Variants in PHTF2 observed in about 807,000 individuals in gnomAD.
PHTF2 encodes the protein putative homeodomain transcription factor 2.
A neutral mutation model predicts 101.2 loss-of-function variants in PHTF2; 60 were observed. The observed-to-expected ratio is 0.59, with a 90% CI of 0.48 to 0.73. PHTF2 has a LOEUF of 0.73. Among genes scored for constraint, PHTF2 ranks in the 30% least tolerant of loss-of-function variants. The pLI, the probability that PHTF2 is intolerant of heterozygous loss-of-function variation, is 0.00. For synonymous variants in PHTF2, 311 were observed against 307.3 expected (o/e 1.01, Z -0.13); for missense variants, 747 against 908.7 (o/e 0.82, Z 2.29).
intron 9 of PHTF2, 27 bp from the exon 9 acceptor site, chr7:77,920,252 C>T (rs202151098): frequency 8.2e-5 from 107 of 1,298,384 alleles, no homozygotes; most frequent in African/African-American, 4.4e-5. Flanking sequence ...TAAGTCCAAA[C>T]ATTCTTCTGC....
chr7:77,929,306 TAG>T lies in PHTF2; in HGVS notation c.1321_1322del (p.Asp441Ter), dbSNP rs1206204676. 6.3e-7 allele frequency: 1 copy of T among 1,598,040 alleles called. No individual in the cohort carries two copies. The highest frequency in any genetic ancestry group is 8.6e-7 in the Non-Finnish European group (1 of 1,165,784). Reference sequence around the variant, plus strand: ...TTAATCCATGTGTGAAAAAAGAATATAGAGATGACCCTTTTCATCAGGTTGGT... The same window carrying T: ...TTAATCCATGTGTGAAAAAAGAATATAGATGACCCTTTTCATCAGGTTGGT... On this transcript the variant is annotated frameshift_variant, in exon 12 of 20. Transcript: ENST00000416283. LOFTEE classifies it high-confidence loss of function.
intron 1 of PHTF2, among the ~76,000 whole-genome samples, chr7:77,803,034 A>T (rs1053327133): frequency 2.6e-5 from 4 of 152,236 alleles, no homozygotes; most frequent in African/African-American, 7.2e-5. Flanking sequence ...TATTCTCATG[A>T]AAATTGCTAA....
chr7:77,865,400 ATTTT>A (rs1199959078), intron 3 of PHTF2, among the ~76,000 whole-genome samples: 2 of 151,856 alleles, frequency 1.3e-5, no homozygotes, highest in East Asian at 3.9e-4. Context: ...TAATTTTTGT[ATTTT>A]TAGTAGAGAC....
exon 18 of PHTF2, chr7:77,951,648 C>A: frequency 6.8e-7 from 1 of 1,466,646 alleles, no homozygotes; most frequent in Non-Finnish European, 9.2e-7. Flanking sequence ...GAGAAAAAAC[C>A]TAACAAAAAG....
chr7:77,823,968 C>G (rs1353149388), intron 1 of PHTF2, among the ~76,000 whole-genome samples: 1 of 152,120 alleles, frequency 6.6e-6, no homozygotes, highest in Non-Finnish European at 1.5e-5. Flanking sequence ...GAAAGTAAAG[C>G]AACAATAATA....
chr7:77,861,266 T>G (rs1433040133), intron 3 of PHTF2, among the ~76,000 whole-genome samples: 2 of 152,054 alleles, frequency 1.3e-5, no homozygotes, highest in African/African-American at 4.8e-5. Context: ...AAGAGGGGTG[T>G]TTTAGGAAGG....
intron 3 of PHTF2, among the ~76,000 whole-genome samples, chr7:77,866,271 GT>G: frequency 6.6e-6 from 1 of 151,904 alleles, no homozygotes; most frequent in Non-Finnish European, 1.5e-5. Context: ...ATGTTAATAA[GT>G]ATTAGGAGAA....
intron 4 of PHTF2, 80 bp from the exon 4 acceptor site, chr7:77,893,902 G>C: frequency 3.9e-6 from 4 of 1,038,438 alleles, no homozygotes; most frequent in Non-Finnish European, 5.9e-6. Flanking sequence ...TTTTTTGTCA[G>C]CTTTTTTCCC....
intron 3 of PHTF2, among the ~76,000 whole-genome samples, chr7:77,874,224 C>T (rs1390560651): frequency 2.0e-5 from 3 of 152,134 alleles, no homozygotes; most frequent in Admixed American, 2.0e-4. Flanking sequence ...GTTCTCCATA[C>T]TATTAGAAAT....
chr7:77,874,387 C>T (rs1798762912), intron 3 of PHTF2, among the ~76,000 whole-genome samples: 1 of 152,090 alleles, frequency 6.6e-6, no homozygotes, highest in South Asian at 2.1e-4. Flanking sequence ...AGGGACAGAA[C>T]TAATGGAATA....
At chr7:77,814,438 T>TAAA (rs1793685669) in intron 1 of PHTF2, among the ~76,000 whole-genome samples, 1 of 152,136 alleles carries the variant, frequency 6.6e-6, no homozygotes, top group Non-Finnish European at 1.5e-5. Flanking sequence ...ACACAGTATT[T>TAAA]TCTCTGTAAG....
chr7:77,900,810 AG>A lies in PHTF2; in HGVS notation c.286+31del, dbSNP rs764053846. 5.6e-6 allele frequency: 6 copies of A among 1,064,278 alleles called. No homozygotes were observed. The South Asian group carries it at 7.6e-5, about 13-fold the overall frequency. The allele number at this position is 1,064,278 out of a possible 1,614,324, so 65.9% of individuals were successfully genotyped here. On this transcript the variant is annotated intron_variant, in intron 6 of 19. Transcript: ENST00000416283. ...GTCTGATAAATAAATGCTTAATACAAGTAGACATTGTTCTGGAAGAAACAGA... is the reference window on the plus strand; with the variant it reads ...GTCTGATAAATAAATGCTTAATACAATAGACATTGTTCTGGAAGAAACAGA...
chr7:77,813,620 T>C (rs1646598476), intron 1 of PHTF2, among the ~76,000 whole-genome samples: 1 of 152,240 alleles, frequency 6.6e-6, no homozygotes, highest in African/African-American at 2.4e-5. Context: ...CTTCTGTGTG[T>C]TATATTGCTG....
chr7:77,799,189 G>A (rs1052854081), intron 1 of PHTF2, among the ~76,000 whole-genome samples: 4 of 152,192 alleles, frequency 2.6e-5, no homozygotes, highest in African/African-American at 9.6e-5. Context: ...TCATCAGTCG[G>A]CCGGTGGCGG....
chr7:77,899,145 C>T (rs756604816), intron 5 of PHTF2, among the ~76,000 whole-genome samples: 2 of 152,150 alleles, frequency 1.3e-5, no homozygotes, highest in African/African-American at 2.4e-5. Flanking sequence ...AGACACATCA[C>T]AGCATTCTTG....
intron 3 of PHTF2, among the ~76,000 whole-genome samples, chr7:77,888,104 C>G (rs1800030837): frequency 6.6e-6 from 1 of 151,990 alleles, no homozygotes; most frequent in Non-Finnish European, 1.5e-5. Flanking sequence ...AGTATATATC[C>G]TTTCAAAATG....
intron 7 of PHTF2, among the ~76,000 whole-genome samples, chr7:77,908,451 G>T (rs562500144): frequency 1.0e-3 from 159 of 152,216 alleles, no homozygotes; most frequent in Middle Eastern, 3.4e-3. Flanking sequence ...GTAAAACAAA[G>T]AAATAATGTA....
At chr7:77,933,131 A>C (rs1804761769) in intron 12 of PHTF2, among the ~76,000 whole-genome samples, 2 of 152,212 alleles carry the variant, frequency 1.3e-5, no homozygotes, top group African/African-American at 4.8e-5. Flanking sequence ...CCAGTTACTC[A>C]GGAGGCTGAG....
intron 13 of PHTF2, among the ~76,000 whole-genome samples, chr7:77,939,589 C>CAAA (rs914007792): frequency 0.016 from 1,190 of 75,016 alleles, 25 homozygotes; most frequent in African/African-American, 0.044. Flanking sequence ...GACCCTGTCT[C>CAAA]AAAAAAAAAA....
Sources: allele counts gnomAD v4.1 joint callset (sites outside exome capture counted in the v4.1 genomes callset), GRCh38; gene constraint gnomAD v4.1.1; transcripts MANE v1.5; gene names NCBI Gene and HGNC (gene_info 2026-07-23, HGNC 2026-07-21).